CNTNAP5: variants seen among roughly 807,000 people sequenced by gnomAD.
The protein encoded by CNTNAP5 is contactin associated protein family member 5, also known as contactin-associated protein-like 5.
In CNTNAP5, 72 loss-of-function variants were observed where a neutral mutation model predicts 150.2. The observed-to-expected ratio is 0.48, with a 90% CI of 0.40 to 0.58. The LOEUF (loss-of-function observed/expected upper bound fraction) is 0.58. Ranked by LOEUF, CNTNAP5 falls within the 20% of genes least tolerant of loss-of-function variation. The pLI is 0.00. For synonymous variants in CNTNAP5, 672 were observed against 619.8 expected, an observed-to-expected ratio of 1.08 and a Z score of -1.25; for missense variants, 1,636 against 1,626.2, an observed-to-expected ratio of 1.01 and a Z score of -0.10.
chr2:124,850,162 C>A (rs186548903), intron 19 of CNTNAP5, among the ~76,000 whole-genome samples: 143 of 152,178 alleles, frequency 9.4e-4, no homozygotes, highest in Non-Finnish European at 1.1e-3. Context: ...GATATTTTAA[C>A]GATATTGGTA....
chr2:124,243,752 C>T (rs1686945117), intron 3 of CNTNAP5, among the ~76,000 whole-genome samples: 1 of 151,930 alleles, frequency 6.6e-6, no homozygotes, highest in Admixed American at 6.6e-5. Context: ...ACACTAAGCC[C>T]CAGGGACAAG....
At chr2:124,864,743 G>A (rs537840036) in intron 19 of CNTNAP5, among the ~76,000 whole-genome samples, 1 of 152,254 alleles carries the variant, frequency 6.6e-6, no homozygotes, top group African/African-American at 2.4e-5. Flanking sequence ...TTTGAAAAAC[G>A]CAGTCCTAAT....
chr2:124,300,664 A>AT (rs1688551188), intron 3 of CNTNAP5, among the ~76,000 whole-genome samples: 2 of 152,300 alleles, frequency 1.3e-5, no homozygotes, highest in South Asian at 4.1e-4. Context: ...AGGTTAGTTT[A>AT]TGCTGAAGAT....
intron 7 of CNTNAP5, among the ~76,000 whole-genome samples, chr2:124,501,285 T>C (rs1481798081): frequency 1.3e-5 from 2 of 152,192 alleles, no homozygotes; most frequent in Non-Finnish European, 2.9e-5. Context: ...AATTAACTAA[T>C]CCCTGTGCTT....
intron 3 of CNTNAP5, among the ~76,000 whole-genome samples, chr2:124,390,483 A>G (rs1196275152): frequency 6.6e-6 from 1 of 152,210 alleles, no homozygotes; most frequent in East Asian, 1.9e-4. Flanking sequence ...AAATATTATT[A>G]TGAGAAATAA....
At chr2:124,166,357 A>G (rs1312031141) in intron 1 of CNTNAP5, among the ~76,000 whole-genome samples, 1 of 152,194 alleles carries the variant, frequency 6.6e-6, no homozygotes, top group Non-Finnish European at 1.5e-5. Context: ...AGGAATCTGA[A>G]TCACATTTAA....
rs772077697 is a variant in CNTNAP5 at position 124,214,457 on chromosome 2, G to A, written c.83-7248G>A. On this transcript the variant is annotated intron_variant, in intron 1 of 23. Coordinates refer to ENST00000682447, the MANE Select transcript of CNTNAP5 (RefSeq NM_001367498.1). ...GTGGTGCTGTGTTTATCTCCACCAC[G>A]TTTGATGAATTTGCGATAATTACTT... is the stretch of plus-strand genomic sequence containing the variant. 2.8e-4 allele frequency among the ~76,000 whole-genome samples: 43 copies of A among 152,114 alleles called. 1 individual carries two copies. Among genetic ancestry groups the A allele is most frequent in the Non-Finnish European group, 4.4e-5 (3 of 68,034 alleles).
chr2:124,665,675 A>G (rs1295720697), intron 13 of CNTNAP5, among the ~76,000 whole-genome samples: 1 of 152,130 alleles, frequency 6.6e-6, no homozygotes, highest in Non-Finnish European at 1.5e-5. Context: ...TCACAAGGTC[A>G]GGAGATCGAG....
chr2:124,264,438 C>A (rs891497448), intron 3 of CNTNAP5, among the ~76,000 whole-genome samples: 1 of 149,000 alleles, frequency 6.7e-6, no homozygotes, highest in African/African-American at 2.5e-5. Context: ...ACACACCAAT[C>A]GCCATGGCTA....
intron 1 of CNTNAP5, among the ~76,000 whole-genome samples, chr2:124,136,408 T>C (rs1032355291): frequency 6.6e-6 from 1 of 152,188 alleles, no homozygotes; most frequent in Non-Finnish European, 1.5e-5. Context: ...AATCATAGAT[T>C]GAAACACACT....
intron 3 of CNTNAP5, among the ~76,000 whole-genome samples, chr2:124,396,985 A>C (rs912990904): frequency 6.6e-6 from 1 of 152,226 alleles, no homozygotes; most frequent in Non-Finnish European, 1.5e-5. Flanking sequence ...AGGAGTTAAC[A>C]CTAAGCATCA....
intron 1 of CNTNAP5, among the ~76,000 whole-genome samples, chr2:124,219,023 A>T (rs1225155123): frequency 6.6e-6 from 1 of 152,148 alleles, no homozygotes; most frequent in Non-Finnish European, 1.5e-5. Context: ...ATTAATTTGA[A>T]ATGATTAGGT....
In CNTNAP5 at chr2:124,283,067, G is replaced by C. The variant is rs60507715; in HGVS notation, c.381+40674G>C. Among the ~76,000 whole-genome samples the C allele has an allele frequency of 2.3e-3, 334 of 147,438 alleles. 1 individual carries two copies. Among genetic ancestry groups the C allele is most frequent in the African/African-American group, 8.1e-3 (323 of 39,790 alleles). On this transcript the variant is annotated intron_variant, in intron 3 of 23. Transcript: ENST00000682447. ...CTCAGGATATTCCTACCTTAACTTT[G>C]CTCTTGGCTGGCTGTCCAGGATTTG... is the stretch of plus-strand genomic sequence containing the variant.
chr2:124,817,672 C>T (rs999537702), intron 19 of CNTNAP5, among the ~76,000 whole-genome samples: 9 of 152,246 alleles, frequency 5.9e-5, no homozygotes, highest in African/African-American at 7.2e-5. Flanking sequence ...TTCAGTTACA[C>T]GTCTTTCCAT....
intron 4 of CNTNAP5, among the ~76,000 whole-genome samples, chr2:124,431,734 T>C (rs1692394019): frequency 6.7e-6 from 1 of 148,990 alleles, no homozygotes. Flanking sequence ...TAATATTTAT[T>C]TATATAAATA....
At chr2:124,885,618 CATCTT>C (rs1378288244) in intron 21 of CNTNAP5, among the ~76,000 whole-genome samples, 1 of 151,202 alleles carries the variant, frequency 6.6e-6, no homozygotes, top group Non-Finnish European at 1.5e-5. Context: ...AGTCACATCT[CATCTT>C]CACCCCTCCT....
intron 3 of CNTNAP5, among the ~76,000 whole-genome samples, chr2:124,378,152 A>G (rs1383560790): frequency 1.3e-5 from 2 of 152,122 alleles, no homozygotes; most frequent in African/African-American, 4.8e-5. Context: ...GTCCAGGTAT[A>G]TATATCCATC....
chr2:124,803,019 G>C (rs1377926116), intron 19 of CNTNAP5, among the ~76,000 whole-genome samples: 2 of 151,898 alleles, frequency 1.3e-5, no homozygotes, highest in Admixed American at 1.3e-4. Flanking sequence ...GGAGGCTGAG[G>C]CAGGAGAATG....
At chr2:124,350,633 T>A (rs894678336) in intron 3 of CNTNAP5, among the ~76,000 whole-genome samples, 1 of 151,722 alleles carries the variant, frequency 6.6e-6, no homozygotes, top group Non-Finnish European at 1.5e-5. Flanking sequence ...ACTTGAGGAT[T>A]TTTTTTTAAG....
Sources: gnomAD v4.1 joint callset for allele counts (sites outside exome capture counted in the v4.1 genomes callset) on GRCh38, gnomAD v4.1.1 for gene constraint, MANE v1.5 for transcripts, NCBI Gene and HGNC (gene_info 2026-07-23, HGNC 2026-07-21) for gene names.